Variants in SPICE1 observed in about 807,000 individuals in gnomAD.
SPICE1 encodes spindle and centriole associated protein 1.
In SPICE1, 75 loss-of-function variants were observed where a neutral mutation model predicts 102.7. That is an observed-to-expected ratio of 0.73 (90% CI 0.61 to 0.88). SPICE1 has a LOEUF of 0.88. Ranked by LOEUF, SPICE1 falls within the 40% of genes least tolerant of loss-of-function variation. The pLI, the probability that SPICE1 is intolerant of heterozygous loss-of-function variation, is 0.00. For missense variants in SPICE1, 979 were observed against 1,020.1 expected (o/e 0.96, Z 0.55); for synonymous variants, 308 against 350.3 (o/e 0.88, Z 1.35).
intron 16 of SPICE1, 92 bp downstream of exon 16, chr3:113,447,946 C>T: frequency 8.4e-7 from 1 of 1,187,010 alleles, no homozygotes; most frequent in Non-Finnish European, 1.2e-6. Flanking sequence ...AAGTCAGATA[C>T]TGTACACTTC....
intron 7 of SPICE1, among the ~76,000 whole-genome samples, chr3:113,471,507 C>T (rs1043612089): frequency 1.3e-5 from 2 of 152,126 alleles, no homozygotes; most frequent in African/African-American, 2.4e-5. Flanking sequence ...CTACTGATAC[C>T]TTGACGTTGG....
chr3:113,454,242 A>G (rs781097709), intron 13 of SPICE1, among the ~76,000 whole-genome samples: 16 of 152,166 alleles, frequency 1.1e-4, no homozygotes, highest in Non-Finnish European at 5.9e-5. Context: ...ATCTTGGGGA[A>G]TGAGGAAGTG....
chr3:113,481,783 A>G (rs148731213), intron 7 of SPICE1, among the ~76,000 whole-genome samples: 6,519 of 152,226 alleles, frequency 0.043, 164 homozygotes, highest in East Asian at 0.1. Context: ...TCCATGCTAT[A>G]TATGTGCCAC....
At chr3:113,478,707 A>G (rs1238116108) in intron 7 of SPICE1, among the ~76,000 whole-genome samples, 1 of 152,190 alleles carries the variant, frequency 6.6e-6, no homozygotes, top group Non-Finnish European at 1.5e-5. Context: ...AAAAATAAGT[A>G]AGGATACAAA....
intron 7 of SPICE1, among the ~76,000 whole-genome samples, chr3:113,471,112 G>A (rs960105198): frequency 2.0e-5 from 3 of 151,902 alleles, no homozygotes; most frequent in Non-Finnish European, 4.4e-5. Flanking sequence ...TGGATCTTTG[G>A]GGCCCACTGG....
At chr3:113,457,852 G>C (rs927497606) in intron 12 of SPICE1, among the ~76,000 whole-genome samples, 1 of 152,068 alleles carries the variant, frequency 6.6e-6, no homozygotes, top group African/African-American at 2.4e-5. Flanking sequence ...TAAAGACGGG[G>C]TTCACCATGC....
chr3:113,513,678 T>A (rs1409277945), intron 1 of SPICE1, among the ~76,000 whole-genome samples: 1 of 152,204 alleles, frequency 6.6e-6, no homozygotes, highest in Non-Finnish European at 1.5e-5. Flanking sequence ...GATAACAGAA[T>A]CTATTAACTT....
At chr3:113,448,286 AC>A in intron 15 of SPICE1, 146 bp from the exon 16 acceptor site, 1 of 627,440 alleles carries the variant, frequency 1.6e-6, no homozygotes, top group Non-Finnish European at 2.4e-6. Context: ...CACTTGAAAG[AC>A]TTTTTTTTTT....
chr3:113,478,147 A>G (rs1936406053), intron 7 of SPICE1, among the ~76,000 whole-genome samples: 1 of 152,090 alleles, frequency 6.6e-6, no homozygotes, highest in Non-Finnish European at 1.5e-5. Context: ...AACATCACAT[A>G]GAAAATGAAA....
chr3:113,485,206 C>T (rs1365325535), intron 7 of SPICE1, among the ~76,000 whole-genome samples: 5 of 149,350 alleles, frequency 3.3e-5, no homozygotes, highest in African/African-American at 1.2e-4. Flanking sequence ...ACCACAGTGG[C>T]GCCTAGAACG....
chr3:113,481,209 T>G (rs1477513625), intron 7 of SPICE1, among the ~76,000 whole-genome samples: 1 of 151,958 alleles, frequency 6.6e-6, no homozygotes, highest in African/African-American at 2.4e-5. Context: ...TAGCAGAATA[T>G]CAAGGCAACA....
At chr3:113,450,158 C>T in intron 15 of SPICE1, 178 bp downstream of exon 15, 3 of 626,802 alleles carry the variant, frequency 4.8e-6, no homozygotes, top group Non-Finnish European at 8.3e-6. Context: ...AGGAGATCTG[C>T]CTTCTAATCC....
chr3:113,503,124 G>A lies in SPICE1; in HGVS notation c.147+56C>T, dbSNP rs1164511447. 11 of 1,557,456 alleles carry A rather than the reference G, an allele frequency of 7.1e-6. 1 individual carries two copies. Among genetic ancestry groups the A allele is most frequent in the Middle Eastern group, 3.6e-4 (2 of 5,492 alleles). ...ATAGTTTCTATTCTAAAGGTTACAA[G>A]TCAAATACCAAATAAAACACTGAAT... On this transcript the variant is annotated intron_variant, in intron 3 of 17. Transcript: ENST00000295872.
chr3:113,497,503 C>G (rs546889087), intron 4 of SPICE1, among the ~76,000 whole-genome samples: 2 of 152,006 alleles, frequency 1.3e-5, no homozygotes, highest in Non-Finnish European at 2.9e-5. Flanking sequence ...CCAAGATATG[C>G]TGGTAGAGAG....
At chr3:113,496,835 T>C (rs1936901038) in intron 4 of SPICE1, among the ~76,000 whole-genome samples, 1 of 152,220 alleles carries the variant, frequency 6.6e-6, no homozygotes, top group African/African-American at 2.4e-5. Flanking sequence ...GATGCACATA[T>C]CCATTGACTA....
chr3:113,506,400 A>T (rs1160918013), intron 2 of SPICE1, 107 bp downstream of exon 2: 1 of 854,466 alleles, frequency 1.2e-6, no homozygotes, highest in African/African-American at 1.7e-5. Context: ...CCACCCTATT[A>T]CGTGATGAGC....
Position 113,488,980 on chromosome 3 carries a change from G to A in SPICE1, c.576C>T (p.Asn192=). 1 of 1,612,868 alleles carries A rather than the reference G, an allele frequency of 6.2e-7. No individual in the cohort carries two copies. The highest frequency in any genetic ancestry group is 2.2e-5 in the East Asian group (1 of 44,822). Residue 192 remains asparagine (N), a synonymous_variant, in exon 7 of 18, where the codon AAC becomes AAT. Coordinates refer to ENST00000295872, the MANE Select transcript of SPICE1 (RefSeq NM_144718.4). ...GESENENELD[N]SLNSQSNTNT... Reference sequence around the variant, plus strand: ...TCGTGTTAGACTGAGAGTTTAGAGAGTTATCCAACTCATTCTCATTCTCAC... The same window carrying A: ...TCGTGTTAGACTGAGAGTTTAGAGAATTATCCAACTCATTCTCATTCTCAC...
chr3:113,463,851 G>A (rs774804493), intron 11 of SPICE1, among the ~76,000 whole-genome samples: 3 of 152,132 alleles, frequency 2.0e-5, no homozygotes, highest in Admixed American at 6.6e-5. Context: ...GGCAGATCAC[G>A]AGGTCAGGAG....
At chr3:113,487,974 T>C (rs1308975140) in intron 7 of SPICE1, among the ~76,000 whole-genome samples, 1 of 152,068 alleles carries the variant, frequency 6.6e-6, no homozygotes, top group Non-Finnish European at 1.5e-5. Context: ...ACTATAAAAA[T>C]GTCATAAAAG....
Sources: allele counts gnomAD v4.1 joint callset (sites outside exome capture counted in the v4.1 genomes callset), GRCh38; gene constraint gnomAD v4.1.1; transcripts MANE v1.5; gene names NCBI Gene and HGNC (gene_info 2026-07-23, HGNC 2026-07-21).